TAFA1: variants seen among roughly 807,000 people sequenced by gnomAD.
TAFA1 encodes the protein chemokine-like protein TAFA-1.
TAFA1 carries 4 observed loss-of-function variants against 18.5 expected under a neutral mutation model. The ratio of observed to expected loss-of-function variants is 0.22; its 90% confidence interval spans 0.11 to 0.49. The LOEUF (loss-of-function observed/expected upper bound fraction) is 0.49. Among genes scored for constraint, TAFA1 ranks in the 20% least tolerant of loss-of-function variants. TAFA1 has a pLI of 0.98. For synonymous variants in TAFA1, 56 were observed against 55.2 expected (o/e 1.01, Z -0.06); for missense variants, 147 against 169.0 (o/e 0.87, Z 0.72).
intron 2 of TAFA1, among the ~76,000 whole-genome samples, chr3:68,378,606 G>C (rs917210057): frequency 6.6e-6 from 1 of 152,160 alleles, no homozygotes; most frequent in Admixed American, 6.5e-5. Flanking sequence ...GGCATGACTG[G>C]TTTTCAAATG....
chr3:68,447,110 A>G (rs2071483637), intron 3 of TAFA1, among the ~76,000 whole-genome samples: 1 of 152,174 alleles, frequency 6.6e-6, no homozygotes, highest in Non-Finnish European at 1.5e-5. Flanking sequence ...CCATATTTTA[A>G]AAGTGGGTAA....
intron 3 of TAFA1, among the ~76,000 whole-genome samples, chr3:68,471,417 G>C (rs2071995269): frequency 6.6e-6 from 1 of 152,166 alleles, no homozygotes; most frequent in African/African-American, 2.4e-5. Context: ...AAAAGCCACA[G>C]ACACTCAACA....
At chr3:68,508,176 T>C (rs2072790249) in intron 3 of TAFA1, among the ~76,000 whole-genome samples, 1 of 152,118 alleles carries the variant, frequency 6.6e-6, no homozygotes, top group South Asian at 2.1e-4. Flanking sequence ...AGAGGAGTTT[T>C]CTGATGTGTT....
chr3:68,004,945 C>T (rs1239268984), intron 1 of TAFA1, among the ~76,000 whole-genome samples: 1 of 151,818 alleles, frequency 6.6e-6, no homozygotes, highest in Non-Finnish European at 1.5e-5. Flanking sequence ...CACAGTAATC[C>T]TTTTGAGTGG....
chr3:68,303,505 A>T (rs921057998), intron 2 of TAFA1, among the ~76,000 whole-genome samples: 1 of 152,002 alleles, frequency 6.6e-6, no homozygotes, highest in Middle Eastern at 3.2e-3. Flanking sequence ...CAGTAGCGTG[A>T]TCTCAGCTCA....
At chr3:68,039,886 A>G (rs1705128607) in intron 2 of TAFA1, among the ~76,000 whole-genome samples, 1 of 152,184 alleles carries the variant, frequency 6.6e-6, no homozygotes, top group East Asian at 1.9e-4. Flanking sequence ...TGAATAAACC[A>G]GGGTATTAAC....
At chr3:68,383,427 A>G (rs922286018) in intron 2 of TAFA1, among the ~76,000 whole-genome samples, 5 of 152,312 alleles carry the variant, frequency 3.3e-5, no homozygotes, top group East Asian at 1.9e-4. Context: ...CCTTTTCTGC[A>G]TCTATTGAGA....
At chr3:68,015,708 C>T (rs1397554564) in intron 2 of TAFA1, among the ~76,000 whole-genome samples, 1 of 152,162 alleles carries the variant, frequency 6.6e-6, no homozygotes, top group East Asian at 1.9e-4. Context: ...TATGAAAGTT[C>T]TCCAAATCTA....
chr3:68,524,480 A>G (rs1257018473), intron 3 of TAFA1, among the ~76,000 whole-genome samples: 1 of 152,172 alleles, frequency 6.6e-6, no homozygotes, highest in Non-Finnish European at 1.5e-5. Flanking sequence ...GAAAATAGAA[A>G]TTTAGTATTA....
intron 3 of TAFA1, among the ~76,000 whole-genome samples, chr3:68,441,942 C>G (rs530304101): frequency 6.6e-6 from 1 of 152,288 alleles, no homozygotes; most frequent in African/African-American, 2.4e-5. Context: ...TGGCTGTGCA[C>G]TTTACATGGA....
intron 2 of TAFA1, chr3:68,250,663 GAC>G (rs1218387556): frequency 4.0e-5 from 6 of 151,658 alleles, no homozygotes; most frequent in Non-Finnish European, 4.4e-5. Flanking sequence ...TTTTTTAGGT[GAC>G]CAGTCTCTAA....
At chr3:68,401,830 G>C (rs1426446966) in intron 2 of TAFA1, among the ~76,000 whole-genome samples, 2 of 152,082 alleles carry the variant, frequency 1.3e-5, no homozygotes, top group African/African-American at 2.4e-5. Context: ...ACTGAAAATG[G>C]GGAAGAGAGG....
At chr3:68,324,737 CT>C (rs1559617655) in intron 2 of TAFA1, among the ~76,000 whole-genome samples, 1 of 152,108 alleles carries the variant, frequency 6.6e-6, no homozygotes, top group African/African-American at 2.4e-5. Flanking sequence ...ACTGCAATTA[CT>C]TTTGCACCAA....
At chr3:68,147,746 C>T (rs73834856) in intron 2 of TAFA1, among the ~76,000 whole-genome samples, 2,759 of 152,186 alleles carry the variant, frequency 0.018, 93 homozygotes, top group African/African-American at 0.062. Flanking sequence ...CTCTTTCTTC[C>T]GCTTAATGAT....
intron 2 of TAFA1, among the ~76,000 whole-genome samples, chr3:68,362,366 G>A (rs1322791782): frequency 1.3e-5 from 2 of 152,132 alleles, no homozygotes; most frequent in African/African-American, 2.4e-5. Flanking sequence ...CACAGAGGTG[G>A]CATTTTGGCT....
At chr3:68,440,243 T>G (rs1051698394) in intron 3 of TAFA1, among the ~76,000 whole-genome samples, 1 of 152,150 alleles carries the variant, frequency 6.6e-6, no homozygotes, top group African/African-American at 2.4e-5. Flanking sequence ...TGTCACCATG[T>G]GAAACATGCC....
At chr3:68,534,637 C>T (rs907218776) in intron 3 of TAFA1, among the ~76,000 whole-genome samples, 3 of 152,112 alleles carry the variant, frequency 2.0e-5, no homozygotes, top group Non-Finnish European at 4.4e-5. Flanking sequence ...GTTCTGAGGA[C>T]GTTTTTCTTC....
chr3:68,248,637 G>A (rs2067130970), intron 2 of TAFA1, among the ~76,000 whole-genome samples: 1 of 151,230 alleles, frequency 6.6e-6, no homozygotes, highest in Admixed American at 6.6e-5. Context: ...TGTGTGTTCA[G>A]AGCTGGGGAA....
intron 3 of TAFA1, among the ~76,000 whole-genome samples, chr3:68,467,128 C>G (rs77935339): frequency 6.6e-6 from 1 of 152,154 alleles, no homozygotes; most frequent in Admixed American, 6.5e-5. Context: ...TTAAGGTTAT[C>G]TCCCTTGTTC....
Sources: allele counts gnomAD v4.1 joint callset (sites outside exome capture counted in the v4.1 genomes callset), GRCh38; gene constraint gnomAD v4.1.1; transcripts MANE v1.5; gene names NCBI Gene and HGNC (gene_info 2026-07-23, HGNC 2026-07-21).